Variants in CD47 observed in about 807,000 individuals in gnomAD.
CD47 encodes CD47 molecule.
In CD47, 11 loss-of-function variants were observed where a neutral mutation model predicts 44.6. The ratio of observed to expected loss-of-function variants is 0.25; its 90% CI spans 0.16 to 0.41. CD47 has a LOEUF of 0.41. CD47 is among the 10% of genes least tolerant of loss of function. The pLI, the probability that CD47 is intolerant of heterozygous loss-of-function variation, is 1.00. For missense variants in CD47, 306 were observed against 386.7 expected (o/e 0.79, Z 1.75); for synonymous variants, 140 against 136.3 (o/e 1.03, Z -0.19).
At chr3:108,056,624 GT>G (rs2078917260) in intron 7 of CD47, among the ~76,000 whole-genome samples, 1 of 152,036 alleles carries the variant, frequency 6.6e-6, no homozygotes, top group East Asian at 1.9e-4. Flanking sequence ...TTAAGAGTAT[GT>G]TTTATTTCAT....
intron 5 of CD47, among the ~76,000 whole-genome samples, 190 bp from the exon 6 acceptor site, chr3:108,058,619 T>C (rs1217493819): frequency 6.6e-6 from 1 of 152,228 alleles, no homozygotes; most frequent in Admixed American, 6.5e-5. Flanking sequence ...AATTCACACA[T>C]TCGGCAGCCT....
chr3:108,050,715 A>G (rs1027077846), intron 8 of CD47, 113 bp from the exon 9 acceptor site: 1 of 518,334 alleles, frequency 1.9e-6, no homozygotes, highest in African/African-American at 2.0e-5. Flanking sequence ...TAAATCCTAC[A>G]GTCAAAAAAA....
At chr3:108,081,216 T>C (rs1250631289) in intron 1 of CD47, among the ~76,000 whole-genome samples, 1 of 151,996 alleles carries the variant, frequency 6.6e-6, no homozygotes, top group Non-Finnish European at 1.5e-5. Context: ...TGTTGCCTTA[T>C]AGAAGAGGCA....
intron 3 of CD47, among the ~76,000 whole-genome samples, chr3:108,066,660 C>T (rs2079110116): frequency 2.0e-5 from 3 of 152,088 alleles, no homozygotes; most frequent in African/African-American, 7.2e-5. Context: ...AAAGAGGAAA[C>T]TAGGCAAGAA....
At chr3:108,057,164 G>T (rs183734217) in intron 7 of CD47, among the ~76,000 whole-genome samples, 2 of 152,196 alleles carry the variant, frequency 1.3e-5, no homozygotes, top group Non-Finnish European at 2.9e-5. Flanking sequence ...GTATAAAAAG[G>T]TACACATTCT....
At chr3:108,048,452 T>G in intron 10 of CD47, among the ~76,000 whole-genome samples, 1 of 139,158 alleles carries the variant, frequency 7.2e-6, no homozygotes, top group Non-Finnish European at 1.5e-5. Flanking sequence ...TGGCACGATC[T>G]TGGCTCACTG....
At chr3:108,060,986 A>T (rs2079003304) in intron 3 of CD47, 134 bp from the exon 4 acceptor site, 4 of 604,462 alleles carry the variant, frequency 6.6e-6, no homozygotes, top group Non-Finnish European at 1.2e-5. Flanking sequence ...CCTTAATATC[A>T]TCAAGTCACC....
intron 3 of CD47, among the ~76,000 whole-genome samples, chr3:108,070,747 C>T (rs2079185228): frequency 6.6e-6 from 1 of 152,172 alleles, no homozygotes; most frequent in Non-Finnish European, 1.5e-5. Context: ...CTAATGCAGG[C>T]TGTCACCACC....
rs2078722852 is a variant in CD47, at chr3:108,046,399, T to C, written c.*889A>G. On this transcript the variant is annotated 3_prime_UTR_variant, in exon 11 of 11. Transcript: ENST00000361309. The stretch of plus-strand genomic sequence containing the variant: ...TCAAATCAGAGGAAGGGAATACATA[T>C]GTTACAACCATAGCTATTTTTGCTG... The C allele has an allele frequency of 6.6e-6, 1 of 152,606 alleles. No individual in the cohort carries two copies. The highest frequency in any genetic ancestry group is 6.5e-5 in the Admixed American group (1 of 15,280). The allele number at this position is 152,606 out of a possible 1,614,324, so 9.5% of individuals were successfully genotyped here. A position where few individuals can be genotyped will look rare whatever the true frequency, so the allele number is the denominator to read the frequency against.
intron 7 of CD47, 52 bp downstream of exon 7, chr3:108,057,425 G>C (rs368352412): frequency 5.3e-5 from 45 of 842,956 alleles, no homozygotes; most frequent in Non-Finnish European, 8.9e-5. Flanking sequence ...CATTTTCTAA[G>C]TGATATATCT....
rs35032619 is a variant in CD47, at chr3:108,065,847, A to G, written c.491-4995T>C. On this transcript the variant is annotated intron_variant, in intron 3 of 10. Coordinates refer to ENST00000361309, the MANE Select transcript of CD47 (RefSeq NM_001777.4). ...AAAAAAAAAAAAAAAAAAAAAAAGA[A>G]TTCACAGTAAACTTAATAACAAAGT... Among the ~76,000 whole-genome samples, 10 of 143,006 alleles carry G rather than the reference A, an allele frequency of 7.0e-5. No individual in the cohort carries two copies. In the South Asian group the frequency reaches 2.0e-3, roughly 29 times the overall value. 93.8% of individuals were successfully genotyped at this position (143,006 alleles called of 152,430 possible).
chr3:108,048,485 C>T (rs927550127), intron 10 of CD47, among the ~76,000 whole-genome samples: 13 of 148,546 alleles, frequency 8.8e-5, no homozygotes, highest in Non-Finnish European at 1.9e-4. Context: ...CCCGGGTTCA[C>T]GCCATTCTCC....
rs1349434030 is a variant in CD47 at position 108,046,244 on chromosome 3, G to T, written c.*1044C>A. 6.6e-6 allele frequency: 1 copy of T among 152,658 alleles called. No homozygotes were observed. Among genetic ancestry groups the T allele is most frequent in the African/African-American group, 2.4e-5 (1 of 41,458 alleles). 9.5% of individuals were successfully genotyped at this position (152,658 alleles called of 1,614,324 possible). A position where few individuals can be genotyped will look rare whatever the true frequency, so the allele number is the denominator to read the frequency against. Reference sequence around the variant, plus strand: ...AACAGTAATAAATCCCCATTCAAGGGCTGGCCTGTTGGCCTGATGGTGACA... The same window carrying T: ...AACAGTAATAAATCCCCATTCAAGGTCTGGCCTGTTGGCCTGATGGTGACA... On this transcript the variant is annotated 3_prime_UTR_variant, in exon 11 of 11. Transcript: ENST00000361309.
chr3:108,083,036 T>C (rs934342844), intron 1 of CD47, among the ~76,000 whole-genome samples: 1 of 151,944 alleles, frequency 6.6e-6, no homozygotes, highest in Non-Finnish European at 1.5e-5. Flanking sequence ...TCCCTTCTCA[T>C]AAAACAGCAA....
At chr3:108,059,592 A>G in intron 4 of CD47, 48 bp from the exon 5 acceptor site, 1 of 952,852 alleles carries the variant, frequency 1.0e-6, no homozygotes, top group Non-Finnish European at 1.6e-6. Context: ...ATACTTTTTA[A>G]ATGTACTAAT....
At chr3:108,070,755 A>G (rs1224493407) in intron 3 of CD47, among the ~76,000 whole-genome samples, 1 of 152,212 alleles carries the variant, frequency 6.6e-6, no homozygotes, top group Non-Finnish European at 1.5e-5. Context: ...GGCTGTCACC[A>G]CCTGTTTACC....
chr3:108,043,201 C>A lies in CD47; in HGVS notation c.*4087G>T, dbSNP rs2078657201. On this transcript the variant is annotated 3_prime_UTR_variant, in exon 11 of 11. Coordinates refer to ENST00000361309, the MANE Select transcript of CD47 (RefSeq NM_001777.4). ...TTTTAAATCATTCTTTACATTGTTA[C>A]CTAGAATATAAGCAACTTAAAAATA... 1 of 152,472 alleles carries A rather than the reference C, an allele frequency of 6.6e-6. No individual in the cohort carries two copies. The highest frequency in any genetic ancestry group is 1.5e-5 in the Non-Finnish European group (1 of 68,002). 9.4% of individuals were successfully genotyped at this position (152,472 alleles called of 1,614,324 possible).
At chr3:108,086,693 G>T (rs1242510195) in intron 1 of CD47, among the ~76,000 whole-genome samples, 2 of 152,182 alleles carry the variant, frequency 1.3e-5, no homozygotes, top group Non-Finnish European at 2.9e-5. Context: ...AACTGACAAT[G>T]TGCAGGCAGG....
intron 7 of CD47, chr3:108,053,941 A>G (rs1164690601): frequency 1.3e-5 from 2 of 152,268 alleles, no homozygotes; most frequent in Non-Finnish European, 2.9e-5. Context: ...TTACATGTAT[A>G]TACAACTGAC....
Sources: allele counts gnomAD v4.1 joint callset (sites outside exome capture counted in the v4.1 genomes callset), GRCh38; gene constraint gnomAD v4.1.1; transcripts MANE v1.5; gene names NCBI Gene and HGNC (gene_info 2026-07-23, HGNC 2026-07-21).